AGBL4: variants seen among roughly 807,000 people sequenced by gnomAD.
The protein encoded by AGBL4 is cytosolic carboxypeptidase 6.
AGBL4 carries 58 observed loss-of-function variants against 66.4 expected under a neutral mutation model. The observed-to-expected ratio is 0.87, with a 90% CI of 0.71 to 1.09. The LOEUF (loss-of-function observed/expected upper bound fraction) is 1.09, where lower values mean the gene tolerates loss of function less well. Ranked by LOEUF, AGBL4 falls within the 50% of genes least tolerant of loss-of-function variation. AGBL4 has a pLI of 0.00. For synonymous variants in AGBL4, 234 were observed against 222.9 expected (o/e 1.05, Z -0.44); for missense variants, 579 against 631.0 (o/e 0.92, Z 0.88).
chr1:48,775,715 G>C (rs928753176), intron 6 of AGBL4, among the ~76,000 whole-genome samples: 1 of 152,184 alleles, frequency 6.6e-6, no homozygotes, highest in Non-Finnish European at 1.5e-5. Context: ...CTGGAGCATA[G>C]GAGGATAAAG....
chr1:49,311,343 C>T (rs900399319), intron 3 of AGBL4, among the ~76,000 whole-genome samples: 2 of 151,910 alleles, frequency 1.3e-5, no homozygotes, highest in Admixed American at 6.6e-5. Context: ...CCCTTACAAA[C>T]GAAGAATACA....
chr1:49,900,137 C>T (rs1649629200), intron 1 of AGBL4, among the ~76,000 whole-genome samples: 1 of 152,130 alleles, frequency 6.6e-6, no homozygotes, highest in Admixed American at 6.5e-5. Context: ...ACTAAGCAGG[C>T]TTATTATCTT....
intron 6 of AGBL4, among the ~76,000 whole-genome samples, chr1:48,694,273 A>G (rs971177081): frequency 2.0e-5 from 3 of 152,148 alleles, no homozygotes; most frequent in Admixed American, 6.5e-5. Context: ...GAGGATATGA[A>G]TATCTGTATC....
chr1:49,789,122 T>C (rs1310619639), intron 2 of AGBL4, among the ~76,000 whole-genome samples: 2 of 152,224 alleles, frequency 1.3e-5, no homozygotes, highest in African/African-American at 2.4e-5. Flanking sequence ...TCATTGGTTC[T>C]GTTTATGTGA....
At chr1:48,948,857 T>C (rs1451663332) in intron 5 of AGBL4, among the ~76,000 whole-genome samples, 3 of 151,376 alleles carry the variant, frequency 2.0e-5, no homozygotes, top group African/African-American at 4.9e-5. Flanking sequence ...AAGAGATACA[T>C]GCATAAAAGA....
intron 4 of AGBL4, among the ~76,000 whole-genome samples, chr1:49,135,650 T>G (rs1440271007): frequency 1.3e-5 from 2 of 152,216 alleles, no homozygotes; most frequent in Non-Finnish European, 2.9e-5. Flanking sequence ...GCTAGTTAAC[T>G]GCAGCAGGAG....
chr1:48,751,291 G>A (rs1053613130), intron 6 of AGBL4, among the ~76,000 whole-genome samples: 14 of 152,212 alleles, frequency 9.2e-5, no homozygotes, highest in African/African-American at 3.4e-4. Flanking sequence ...CAAGGGTCCT[G>A]CAGTCACAGA....
chr1:49,200,202 C>T (rs1376128748), intron 4 of AGBL4, among the ~76,000 whole-genome samples: 2 of 152,128 alleles, frequency 1.3e-5, no homozygotes, highest in African/African-American at 4.8e-5. Context: ...CCTTGATCTT[C>T]TCCTTTCCAT....
At chr1:49,566,109 T>C (rs1403087969) in intron 3 of AGBL4, among the ~76,000 whole-genome samples, 2 of 152,254 alleles carry the variant, frequency 1.3e-5, no homozygotes, top group South Asian at 2.1e-4. Flanking sequence ...CTGAGGCTTA[T>C]GCATTCATCA....
At chr1:50,000,312 T>C (rs1031136900) in intron 1 of AGBL4, among the ~76,000 whole-genome samples, 3 of 152,174 alleles carry the variant, frequency 2.0e-5, no homozygotes, top group African/African-American at 4.8e-5. Flanking sequence ...AATGAACATA[T>C]GGAAAAATGT....
chr1:48,646,563 T>G (rs1034170042), intron 8 of AGBL4, among the ~76,000 whole-genome samples: 45 of 107,772 alleles, frequency 4.2e-4, no homozygotes, highest in African/African-American at 1.5e-3. Context: ...GTGCTGGTGC[T>G]GGAAATACCT....
At chr1:48,758,897 C>T in intron 6 of AGBL4, 1 of 1,508,780 alleles carries the variant, frequency 6.6e-7, no homozygotes, top group Non-Finnish European at 8.8e-7. Flanking sequence ...CTGGGGCACT[C>T]ACCGCTGCCA....
At position 49,203,279 on chromosome 1, in the gene AGBL4, C is replaced by T. The variant is rs376695329; in HGVS notation, c.377+42491G>A. On this transcript the variant is annotated intron_variant, in intron 4 of 13. Transcript: ENST00000371839. ...GGAACTCCACTTCTGGATCTATACC[C>T]GAAATAATTGAGAATAGGATCTCAA... Among the ~76,000 whole-genome samples the T allele has an allele frequency of 1.1e-3, 173 of 151,836 alleles. 1 individual carries two copies. The highest frequency in any genetic ancestry group is 3.9e-3 in the African/African-American group (160 of 41,402).
At chr1:49,319,408 C>T (rs1418908851) in intron 3 of AGBL4, among the ~76,000 whole-genome samples, 1 of 152,150 alleles carries the variant, frequency 6.6e-6, no homozygotes, top group Non-Finnish European at 1.5e-5. Context: ...ATTTTTCTCA[C>T]ACATACAAAA....
chr1:49,691,126 A>G (rs1646878646), intron 3 of AGBL4: 1 of 152,170 alleles, frequency 6.6e-6, no homozygotes, highest in South Asian at 2.1e-4. Flanking sequence ...GAATAAGGGC[A>G]AAAAACCTGT....
intron 2 of AGBL4, among the ~76,000 whole-genome samples, chr1:49,769,669 C>T (rs748428820): frequency 6.6e-6 from 1 of 152,126 alleles, no homozygotes; most frequent in Non-Finnish European, 1.5e-5. Context: ...TGCACACCTA[C>T]AATCATCTAA....
At chr1:48,575,381 GGGTGTTACTT>G (rs1644636002) in intron 11 of AGBL4, among the ~76,000 whole-genome samples, 1 of 152,132 alleles carries the variant, frequency 6.6e-6, no homozygotes, top group African/African-American at 2.4e-5. Flanking sequence ...AAGGGCAGGC[GGGTGTTACTT>G]GGTGAGGTGC....
chr1:49,237,515 TATATATATATATATATATATATA>T (rs1650865811), intron 4 of AGBL4, among the ~76,000 whole-genome samples: 36 of 136,660 alleles, frequency 2.6e-4, no homozygotes, highest in African/African-American at 1.1e-3. Flanking sequence ...TATTACATTA[TATATATATATATATATATATATA>T]TATATATATA....
At chr1:48,662,903 C>T (rs13376055) in intron 7 of AGBL4, among the ~76,000 whole-genome samples, 12,646 of 152,196 alleles carry the variant, frequency 0.083, 1,717 homozygotes, top group African/African-American at 0.28. Context: ...GAGATAACTT[C>T]GTTCAGCCCT....
Sources: gnomAD v4.1 joint callset for allele counts (sites outside exome capture counted in the v4.1 genomes callset) on GRCh38, gnomAD v4.1.1 for gene constraint, MANE v1.5 for transcripts, NCBI Gene and HGNC (gene_info 2026-07-23, HGNC 2026-07-21) for gene names.